Variants in AQP9 observed in about 807,000 individuals in gnomAD.
AQP9 encodes aquaporin-9.
Under a neutral mutation model 23.8 loss-of-function variants are expected in AQP9, and 19 were observed. That is an observed-to-expected ratio of 0.80 (90% CI 0.56 to 1.17). The LOEUF is 1.17. AQP9 is among the 50% of genes most tolerant of loss of function. The pLI is 0.00. For missense variants in AQP9, 413 were observed against 362.0 expected (o/e 1.14, Z -1.14); for synonymous variants, 153 against 131.5 (o/e 1.16, Z -1.12).
intron 1 of AQP9, among the ~76,000 whole-genome samples, chr15:58,145,101 T>C (rs1483761131): frequency 2.0e-5 from 3 of 152,156 alleles, no homozygotes; most frequent in Non-Finnish European, 4.4e-5. Flanking sequence ...AAGAAGTTTG[T>C]TTTCCATTTC....
chr15:58,174,482 C>T (rs926919104), intron 3 of AQP9, among the ~76,000 whole-genome samples: 7 of 152,106 alleles, frequency 4.6e-5, no homozygotes, highest in Non-Finnish European at 7.4e-5. Context: ...TGCAATACCC[C>T]TGGCTCTAAG....
intron 1 of AQP9, among the ~76,000 whole-genome samples, chr15:58,164,839 G>GC (rs1307567722): frequency 6.6e-6 from 1 of 152,054 alleles, no homozygotes; most frequent in East Asian, 1.9e-4. Flanking sequence ...TCACAAATGA[G>GC]CCCTGAGGGA....
At chr15:58,145,033 A>C (rs911494496) in intron 1 of AQP9, among the ~76,000 whole-genome samples, 2 of 150,308 alleles carry the variant, frequency 1.3e-5, no homozygotes. Context: ...AAAAAAAAAA[A>C]GATAAAAGAA....
At position 58,184,165 on chromosome 15, in the gene AQP9, G is replaced by C. The variant is rs1898960947; in HGVS notation, c.*30G>C. On this transcript the variant is annotated 3_prime_UTR_variant, in exon 6 of 6. Transcript: ENST00000219919. The stretch of plus-strand genomic sequence containing the variant: ...ATGCTCAGCTCTGGATTTGCAGTCA[G>C]TTTGGGATTCTCTTCAGAAAGATGG... The C allele has an allele frequency of 6.2e-7, 1 of 1,602,376 alleles. No homozygotes were observed. Among genetic ancestry groups the C allele is most frequent in the Non-Finnish European group, 8.5e-7 (1 of 1,172,084 alleles).
intron 5 of AQP9, among the ~76,000 whole-genome samples, chr15:58,182,883 T>A (rs947836363): frequency 6.6e-6 from 1 of 152,174 alleles, no homozygotes; most frequent in Non-Finnish European, 1.5e-5. Context: ...GGGGGTTTGA[T>A]TTGCTCAAAG....
chr15:58,179,592 TA>T (rs1318076793), intron 5 of AQP9, among the ~76,000 whole-genome samples: 1 of 152,010 alleles, frequency 6.6e-6, no homozygotes, highest in Non-Finnish European at 1.5e-5. Context: ...TCAATAGAGA[TA>T]AAACTGTCCC....
intron 1 of AQP9, among the ~76,000 whole-genome samples, chr15:58,149,332 G>A (rs374672303): frequency 5.3e-5 from 8 of 152,212 alleles, no homozygotes; most frequent in Non-Finnish European, 7.3e-5. Context: ...AGTAAAGTGC[G>A]TGAGAGTGCC....
chr15:58,170,486 C>T (rs1898595938), intron 2 of AQP9, among the ~76,000 whole-genome samples: 1 of 151,860 alleles, frequency 6.6e-6, no homozygotes, highest in South Asian at 2.1e-4. Flanking sequence ...ATCATTGCAA[C>T]CTCCGCCTCC....
At position 58,166,805 on chromosome 15, in the gene AQP9, C is replaced by T. The variant is rs1175050941; in HGVS notation, c.238+6C>T. The T allele has an allele frequency of 6.2e-7, 1 of 1,613,058 alleles. No homozygotes were observed. The highest frequency in any genetic ancestry group is 2.2e-5 in the East Asian group (1 of 44,860). On this transcript the variant is annotated splice_donor_region_variant and intron_variant, in intron 2 of 5. Coordinates refer to ENST00000219919, the MANE Select transcript of AQP9 (RefSeq NM_020980.5). ...TGTGGCTGGCGGTGTCTCTGGTAAG[C>T]AGTAGAAATAATGAATGCTGCTCTT...
At chr15:58,140,405 G>T (rs1234807183) in intron 1 of AQP9, among the ~76,000 whole-genome samples, 4 of 152,052 alleles carry the variant, frequency 2.6e-5, no homozygotes, top group African/African-American at 4.8e-5. Flanking sequence ...ATTAAAACTT[G>T]TATGTTCTGG....
intron 2 of AQP9, among the ~76,000 whole-genome samples, chr15:58,172,678 T>C (rs947280886): frequency 6.6e-6 from 1 of 152,212 alleles, no homozygotes; most frequent in Non-Finnish European, 1.5e-5. Context: ...ATCTTATACA[T>C]ATATTGGATA....
At chr15:58,183,568 G>A (rs1387512899) in intron 5 of AQP9, among the ~76,000 whole-genome samples, 1 of 152,062 alleles carries the variant, frequency 6.6e-6, no homozygotes, top group African/African-American at 2.4e-5. Context: ...CACTAATGAT[G>A]CCCAGGAATC....
rs934166635 is a variant in AQP9, at chr15:58,184,854, G to C, written c.*719G>C. On this transcript the variant is annotated 3_prime_UTR_variant, in exon 6 of 6. Coordinates refer to ENST00000219919, the MANE Select transcript of AQP9 (RefSeq NM_020980.5). ...TTTAGAGGACACCAATTAATTTCCT[G>C]GTCTTTAGTATATAATAACCTAAAA... 1 of 152,120 alleles carries C rather than the reference G, an allele frequency of 6.6e-6. No individual in the cohort carries two copies. The highest frequency in any genetic ancestry group is 1.9e-4 in the East Asian group (1 of 5,190). 9.4% of individuals were successfully genotyped at this position (152,120 alleles called of 1,614,324 possible).
rs550627346 is a variant in AQP9 at position 58,163,705 on chromosome 15, G to A, written c.112-2968G>A. ...TTTGAGTCTAAGAAGGGAAAGGTAC[G>A]GCAGTTCTTGAAGGTGAGATCAGGG... On this transcript the variant is annotated intron_variant, in intron 1 of 5. Transcript: ENST00000219919. Among the ~76,000 whole-genome samples the A allele has an allele frequency of 4.6e-5, 7 of 152,246 alleles. No homozygotes were observed. The South Asian group carries it at 1.2e-3, about 27-fold the overall frequency.
intron 1 of AQP9, among the ~76,000 whole-genome samples, chr15:58,159,674 T>C (rs1353233245): frequency 6.6e-6 from 1 of 152,200 alleles, no homozygotes; most frequent in African/African-American, 2.4e-5. Flanking sequence ...CGCCCTTTCT[T>C]GACCTCTAGT....
chr15:58,172,675 A>G (rs1395786478), intron 2 of AQP9, among the ~76,000 whole-genome samples: 3 of 152,222 alleles, frequency 2.0e-5, no homozygotes, highest in Admixed American at 1.3e-4. Flanking sequence ...TAAATCTTAT[A>G]CATATATTGG....
At chr15:58,178,427 C>T (rs1371961737) in intron 4 of AQP9, among the ~76,000 whole-genome samples, 1 of 152,060 alleles carries the variant, frequency 6.6e-6, no homozygotes, top group African/African-American at 2.4e-5. Flanking sequence ...GATTTTTCCA[C>T]GTTTTAGATT....
intron 1 of AQP9, among the ~76,000 whole-genome samples, chr15:58,158,819 C>T (rs539919890): frequency 1.3e-5 from 2 of 152,272 alleles, no homozygotes; most frequent in South Asian, 2.1e-4. Flanking sequence ...GAATCACAGA[C>T]CTCTTGCGGT....
In AQP9 at chr15:58,138,696, C is replaced by T. The variant is rs754019107; in HGVS notation, c.111+20C>T. ...TTGATTGTAAGTATTTCCTGATTTCCTACATTCAGACCCAATAATGCCTCC... is the reference window on the plus strand; with the variant it reads ...TTGATTGTAAGTATTTCCTGATTTCTTACATTCAGACCCAATAATGCCTCC... On this transcript the variant is annotated intron_variant, in intron 1 of 5. Transcript: ENST00000219919. The T allele has an allele frequency of 6.2e-7, 1 of 1,606,312 alleles. No homozygotes were observed. Among genetic ancestry groups the T allele is most frequent in the Non-Finnish European group, 8.5e-7 (1 of 1,173,156 alleles).
Sources: allele counts gnomAD v4.1 joint callset (sites outside exome capture counted in the v4.1 genomes callset), GRCh38; gene constraint gnomAD v4.1.1; transcripts MANE v1.5; gene names NCBI Gene and HGNC (gene_info 2026-07-23, HGNC 2026-07-21).